The following MTREX variants were observed in gnomAD, a reference collection of about 807,000 sequenced individuals.
MTREX encodes exosome RNA helicase MTR4.
Under a neutral mutation model 135.4 loss-of-function variants are expected in MTREX, and 76 were observed. The observed-to-expected ratio is 0.56, with a 90% CI of 0.47 to 0.68. The LOEUF (loss-of-function observed/expected upper bound fraction) is 0.68, where lower values mean the gene tolerates loss of function less well. Ranked by LOEUF, MTREX falls within the 30% of genes least tolerant of loss-of-function variation. The probability of loss-of-function intolerance (pLI) is 0.00; values close to 1 mark genes in which losing one functional copy is unlikely to be tolerated. For missense variants in MTREX, 920 were observed against 1,262.1 expected (o/e 0.73, Z 4.11); for synonymous variants, 404 against 401.6 (o/e 1.01, Z -0.07).
At chr5:55,321,807 C>G (rs1023541239) in intron 1 of MTREX, among the ~76,000 whole-genome samples, 1 of 151,930 alleles carries the variant, frequency 6.6e-6, no homozygotes, top group East Asian at 1.9e-4. Flanking sequence ...TGGGATTTTG[C>G]CATGCTGTCC....
chr5:55,395,416 A>G (rs1750631609), intron 19 of MTREX, among the ~76,000 whole-genome samples: 1 of 152,130 alleles, frequency 6.6e-6, no homozygotes, highest in African/African-American at 2.4e-5. Flanking sequence ...AAAAAATAAA[A>G]TAAATAAAAT....
At chr5:55,311,093 T>C (rs1245659902) in intron 1 of MTREX, among the ~76,000 whole-genome samples, 1 of 152,196 alleles carries the variant, frequency 6.6e-6, no homozygotes, top group African/African-American at 2.4e-5. Context: ...GTGAGTACTT[T>C]TTAAAAAAAC....
intron 4 of MTREX, 83 bp downstream of exon 4, chr5:55,327,861 T>C: frequency 9.5e-7 from 1 of 1,055,130 alleles, no homozygotes; most frequent in Non-Finnish European, 1.4e-6. Context: ...GAGATTTTTA[T>C]ATTTCCCACA....
intron 19 of MTREX, among the ~76,000 whole-genome samples, chr5:55,396,976 C>T (rs1750656307): frequency 6.6e-6 from 1 of 152,232 alleles, no homozygotes. Context: ...GAATATGCTG[C>T]TTTCTGTCTT....
intron 22 of MTREX, among the ~76,000 whole-genome samples, chr5:55,406,008 C>T (rs566700862): frequency 6.6e-6 from 1 of 152,120 alleles, no homozygotes; most frequent in African/African-American, 2.4e-5. Context: ...ATTTTCCCAC[C>T]TTGAAACTTA....
chr5:55,327,941 A>G (rs1749410201), intron 4 of MTREX, among the ~76,000 whole-genome samples, 163 bp downstream of exon 4: 2 of 152,206 alleles, frequency 1.3e-5, no homozygotes, highest in Admixed American at 6.5e-5. Context: ...TCAGTTAACA[A>G]CTATGCTGGA....
chr5:55,362,093 T>A (rs1750023035), intron 15 of MTREX, among the ~76,000 whole-genome samples: 1 of 148,028 alleles, frequency 6.8e-6, no homozygotes, highest in Non-Finnish European at 1.5e-5. Context: ...ATTTTTTTTT[T>A]TTTTTTTTTT....
chr5:55,371,581 T>C (rs1466123961), intron 16 of MTREX, among the ~76,000 whole-genome samples: 10 of 152,148 alleles, frequency 6.6e-5, no homozygotes, highest in Non-Finnish European at 5.9e-5. Context: ...ACTAGCTTCT[T>C]ATACTAAAGT....
intron 3 of MTREX, among the ~76,000 whole-genome samples, chr5:55,326,416 AAAG>A (rs1667092035): frequency 6.6e-6 from 1 of 152,120 alleles, no homozygotes; most frequent in Admixed American, 6.5e-5. Flanking sequence ...AGAAAAAAGA[AAAG>A]AAAAAAGAAA....
At chr5:55,415,775 T>C (rs1750956980) in intron 24 of MTREX, among the ~76,000 whole-genome samples, 195 bp from the exon 25 acceptor site, 2 of 152,162 alleles carry the variant, frequency 1.3e-5, no homozygotes, top group African/African-American at 4.8e-5. Flanking sequence ...TACCTCAACA[T>C]AATGGGAAAG....
chr5:55,402,111 T>A (rs1750730736), intron 21 of MTREX, among the ~76,000 whole-genome samples: 1 of 152,174 alleles, frequency 6.6e-6, no homozygotes, highest in South Asian at 2.1e-4. Context: ...CAGTTCATAG[T>A]TTTAAAGCAC....
intron 22 of MTREX, among the ~76,000 whole-genome samples, chr5:55,409,471 AGAT>A (rs1284736322): frequency 1.3e-5 from 2 of 152,168 alleles, no homozygotes; most frequent in East Asian, 3.9e-4. Context: ...AATTGGAAAG[AGAT>A]GATGAAGAAA....
In MTREX at chr5:55,317,396, A is replaced by G. The variant is rs186309064; in HGVS notation, c.135-4931A>G. Among the ~76,000 whole-genome samples the G allele has an allele frequency of 1.3e-3, 204 of 152,356 alleles. 2 individuals carry two copies. The Middle Eastern group carries it at 0.024, about 18-fold the overall frequency. On this transcript the variant is annotated intron_variant, in intron 1 of 26. Transcript: ENST00000230640. ...ACTTCAAACTATACTACAAGGCTAC[A>G]GTAACCAAACAGCATGATACTGGTA...
At position 55,400,298 on chromosome 5, in the gene MTREX, A is replaced by G. The variant is rs114771389; in HGVS notation, c.2358A>G (p.Gln786=). The change falls in exon 21 of 27, where the codon CAA becomes CAG. Residue 786 remains glutamine (Q), a synonymous_variant. Coordinates refer to ENST00000230640, the MANE Select transcript of MTREX (RefSeq NM_015360.5). ...LLDPIDDMGI[Q]DQGLKKVIQK... is the part of the protein sequence containing the mutation. ...ACCCTATTGATGATATGGGCATTCA[A>G]GATCAAGGGCTGAAAAAAGTCATTC... 1,049 of 1,613,528 alleles carry G rather than the reference A, an allele frequency of 6.5e-4. 6 individuals are homozygous for G. In the African/African-American group the frequency reaches 0.012, roughly 18 times the overall value.
chr5:55,369,720 C>G (rs955323731), intron 16 of MTREX, among the ~76,000 whole-genome samples: 3 of 152,128 alleles, frequency 2.0e-5, no homozygotes, highest in Non-Finnish European at 4.4e-5. Flanking sequence ...TTTCAATTTT[C>G]AGGCCGAGAA....
chr5:55,400,144 G>A, intron 20 of MTREX, 89 bp from the exon 21 acceptor site: 3 of 936,860 alleles, frequency 3.2e-6, no homozygotes, highest in Non-Finnish European at 4.7e-6. Context: ...TTATGTCCAT[G>A]TGCATAGAAA....
Position 55,308,027 on chromosome 5 carries a change from T to G in MTREX, c.14T>G (p.Phe5Cys), listed in dbSNP as rs914586558. ...CTGCTCCCAAAAATGGCGGACGCATTCGGAGATGAGCTGTTCAGCGTGTTC... is the reference window on the plus strand; with the variant it reads ...CTGCTCCCAAAAATGGCGGACGCATGCGGAGATGAGCTGTTCAGCGTGTTC... MADA[F>C]GDELFSVFEG... Residue 5 changes from phenylalanine (F) to cysteine (C), a missense_variant, in exon 1 of 27, where the codon TTC (phenylalanine) becomes TGC (cysteine). Physicochemically the swap from Phe to Cys is radical, Grantham distance 205. Transcript: ENST00000230640. 6.2e-7 allele frequency: 1 copy of G among 1,613,908 alleles called. No individual in the cohort carries two copies. Among genetic ancestry groups the G allele is most frequent in the Non-Finnish European group, 8.5e-7 (1 of 1,180,010 alleles).
chr5:55,414,072 A>T, intron 23 of MTREX, 110 bp from the exon 24 acceptor site: 1 of 703,694 alleles, frequency 1.4e-6, no homozygotes, highest in Non-Finnish European at 2.3e-6. Context: ...AAGGTCTTAT[A>T]ATTTGATATG....
At chr5:55,359,604 A>G (rs1354512032) in intron 15 of MTREX, among the ~76,000 whole-genome samples, 2 of 152,170 alleles carry the variant, frequency 1.3e-5, no homozygotes, top group Non-Finnish European at 2.9e-5. Flanking sequence ...TAATAATCGT[A>G]TTGTGTCTTA....
Sources: allele counts gnomAD v4.1 joint callset (sites outside exome capture counted in the v4.1 genomes callset), GRCh38; gene constraint gnomAD v4.1.1; transcripts MANE v1.5; gene names NCBI Gene and HGNC (gene_info 2026-07-23, HGNC 2026-07-21).